MINDY3: variants seen among roughly 807,000 people sequenced by gnomAD.
The protein encoded by MINDY3 is ubiquitin carboxyl-terminal hydrolase MINDY-3.
A neutral mutation model predicts 69.2 loss-of-function variants in MINDY3; 38 were observed. That is an observed-to-expected ratio of 0.55 (90% CI 0.42 to 0.72). The LOEUF (loss-of-function observed/expected upper bound fraction) is 0.72. Among genes scored for constraint, MINDY3 ranks in the 30% least tolerant of loss-of-function variants. The pLI, the probability that MINDY3 is intolerant of heterozygous loss-of-function variation, is 0.00. For synonymous variants in MINDY3, 192 were observed against 180.1 expected, an observed-to-expected ratio of 1.07 and a Z score of -0.53; for missense variants, 522 against 519.0, an observed-to-expected ratio of 1.01 and a Z score of -0.06.
At chr10:15,822,512 T>C (rs1481282979) in intron 8 of MINDY3, among the ~76,000 whole-genome samples, 1 of 152,190 alleles carries the variant, frequency 6.6e-6, no homozygotes, top group Non-Finnish European at 1.5e-5. Context: ...AATCGATGCA[T>C]TTAAGGAATG....
chr10:15,779,085 C>T lies in MINDY3; in HGVS notation c.1245G>A (p.Gln415=), dbSNP rs1213427048. 2.5e-6 allele frequency: 4 copies of T among 1,613,640 alleles called. No homozygotes were observed. Among genetic ancestry groups the T allele is most frequent in the Middle Eastern group, 1.7e-4 (1 of 6,060 alleles). The part of the protein sequence containing the change: ...VVMGFEDPML[Q]TDDTPIKRCL... ...AGCGTTTAATAGGAGTGTCATCTGTCTGTAGCATGGGATCTTCAAAACCCA... is the reference window on the plus strand; with the variant it reads ...AGCGTTTAATAGGAGTGTCATCTGTTTGTAGCATGGGATCTTCAAAACCCA... The change falls in exon 15 of 15, where the codon CAG becomes CAA. Residue 415 remains glutamine, a synonymous_variant. Transcript: ENST00000277632.
At chr10:15,842,422 A>G (rs193073348) in intron 3 of MINDY3, among the ~76,000 whole-genome samples, 5 of 151,856 alleles carry the variant, frequency 3.3e-5, no homozygotes, top group African/African-American at 1.2e-4. Context: ...AATAGTATAA[A>G]TTTTATTAAA....
At chr10:15,848,870 A>G (rs2132122421) in intron 1 of MINDY3, among the ~76,000 whole-genome samples, 1 of 152,236 alleles carries the variant, frequency 6.6e-6, no homozygotes, top group Non-Finnish European at 1.5e-5. Context: ...TTCTCATTAA[A>G]ATAATCAATC....
chr10:15,784,581 C>T (rs143370888), intron 13 of MINDY3, among the ~76,000 whole-genome samples: 1 of 152,110 alleles, frequency 6.6e-6, no homozygotes, highest in African/African-American at 2.4e-5. Context: ...CCCATCTCTA[C>T]TAAGGATACA....
chr10:15,786,606 T>C lies in MINDY3; in HGVS notation c.1071A>G (p.Gly357=). 1.3e-6 allele frequency: 2 copies of C among 1,590,436 alleles called. No individual in the cohort carries two copies. Among genetic ancestry groups the C allele is most frequent in the Non-Finnish European group, 1.7e-6 (2 of 1,159,844 alleles). The change falls in exon 13 of 15, where the codon GGA becomes GGG. Residue 357 remains glycine (G), a synonymous_variant. Transcript: ENST00000277632. ...MKNKLDPEGL[G]IILLGPFLQE... Reference sequence around the variant, plus strand: ...GAAGAAATGGGCCCAATAATATGATTCCTAATCCTTCTGGATCTAATTTAT... The same window carrying C: ...GAAGAAATGGGCCCAATAATATGATCCCTAATCCTTCTGGATCTAATTTAT...
chr10:15,842,030 T>C (rs2132090586), intron 3 of MINDY3, among the ~76,000 whole-genome samples: 1 of 151,758 alleles, frequency 6.6e-6, no homozygotes, highest in South Asian at 2.1e-4. Context: ...GATCACCCCG[T>C]CCCAAAGGGA....
intron 11 of MINDY3, among the ~76,000 whole-genome samples, chr10:15,790,563 C>G (rs769268709): frequency 1.3e-5 from 2 of 152,030 alleles, no homozygotes; most frequent in African/African-American, 2.4e-5. Context: ...AAAGGCTCAG[C>G]GTCTCCGAAT....
intron 10 of MINDY3, among the ~76,000 whole-genome samples, chr10:15,803,834 C>T (rs962039437): frequency 1.3e-5 from 2 of 152,100 alleles, no homozygotes; most frequent in African/African-American, 4.8e-5. Context: ...TCCCCCACCA[C>T]ACACACAAAA....
At chr10:15,839,820 T>C (rs1025069466) in intron 4 of MINDY3, among the ~76,000 whole-genome samples, 9 of 151,724 alleles carry the variant, frequency 5.9e-5, no homozygotes, top group Non-Finnish European at 1.3e-4. Flanking sequence ...AAAATATGGT[T>C]TACTTCATGG....
chr10:15,836,211 C>T (rs1019099215), intron 6 of MINDY3, among the ~76,000 whole-genome samples: 2 of 152,016 alleles, frequency 1.3e-5, no homozygotes, highest in African/African-American at 4.8e-5. Flanking sequence ...ATCCCTTACA[C>T]TTTTATACTT....
At chr10:15,788,550 CTA>C (rs1245637016) in intron 12 of MINDY3, among the ~76,000 whole-genome samples, 1 of 152,018 alleles carries the variant, frequency 6.6e-6, no homozygotes, top group African/African-American at 2.4e-5. Context: ...GAAGGAAAAA[CTA>C]TGCTGAAAAA....
At chr10:15,780,858 C>A (rs1235954231) in intron 14 of MINDY3, among the ~76,000 whole-genome samples, 1 of 152,010 alleles carries the variant, frequency 6.6e-6, no homozygotes, top group South Asian at 2.1e-4. Context: ...GCCAAGCAGA[C>A]CAAGGACAGG....
chr10:15,821,927 G>C (rs1839795943), intron 8 of MINDY3, among the ~76,000 whole-genome samples: 1 of 151,896 alleles, frequency 6.6e-6, no homozygotes, highest in East Asian at 1.9e-4. Flanking sequence ...GTTTGTGGTG[G>C]GTAAATGTGA....
chr10:15,859,353 T>C (rs1834920871), intron 1 of MINDY3, among the ~76,000 whole-genome samples: 1 of 152,200 alleles, frequency 6.6e-6, no homozygotes, highest in African/African-American at 2.4e-5. Context: ...AAATTATTGA[T>C]CCTTCTGACT....
At chr10:15,795,306 T>C (rs1329611701) in intron 11 of MINDY3, among the ~76,000 whole-genome samples, 1 of 152,048 alleles carries the variant, frequency 6.6e-6, no homozygotes, top group Non-Finnish European at 1.5e-5. Flanking sequence ...AGAGAAGATA[T>C]ATTCTTAGAA....
chr10:15,828,904 AT>A (rs1211034161), intron 8 of MINDY3, among the ~76,000 whole-genome samples: 3 of 152,204 alleles, frequency 2.0e-5, no homozygotes, highest in Non-Finnish European at 4.4e-5. Context: ...CTCGTTGAAA[AT>A]CCTTAGGTAA....
rs115435712 is a variant in MINDY3, at chr10:15,857,551, A to G, written c.94+2655T>C. On this transcript the variant is annotated intron_variant, in intron 1 of 14. Transcript: ENST00000277632. The stretch of plus-strand genomic sequence containing the variant: ...GAAAATTATATGCTATTCTTTAAAA[A>G]GTACTATAGGCAATTGAGCAGGAGG... Among the ~76,000 whole-genome samples, 146 of 152,328 alleles carry G rather than the reference A, an allele frequency of 9.6e-4. 1 individual carries two copies. Among genetic ancestry groups the G allele is most frequent in the African/African-American group, 3.4e-3 (140 of 41,570 alleles).
intron 1 of MINDY3, among the ~76,000 whole-genome samples, chr10:15,849,352 G>A (rs996881701): frequency 6.6e-6 from 1 of 152,118 alleles, no homozygotes; most frequent in African/African-American, 2.4e-5. Context: ...ATGGGCGGCA[G>A]GAAAGATGAC....
At chr10:15,782,261 T>C in intron 13 of MINDY3, 35 bp from the exon 14 acceptor site, 1 of 1,362,718 alleles carries the variant, frequency 7.3e-7, no homozygotes, top group Non-Finnish European at 1.0e-6. Context: ...CACTTTAAAT[T>C]ATATTTATAT....
Sources: gnomAD v4.1 joint callset for allele counts (sites outside exome capture counted in the v4.1 genomes callset) on GRCh38, gnomAD v4.1.1 for gene constraint, MANE v1.5 for transcripts, NCBI Gene and HGNC (gene_info 2026-07-23, HGNC 2026-07-21) for gene names.